EPHA7: variants seen among roughly 807,000 people sequenced by gnomAD.
EPHA7 encodes the protein EPH receptor A7, also known as ephrin type-A receptor 7.
A neutral mutation model predicts 112.6 loss-of-function variants in EPHA7; 25 were observed. The ratio of observed to expected loss-of-function variants is 0.22; its 90% confidence interval spans 0.16 to 0.31. The LOEUF is 0.31. Among genes scored for constraint, EPHA7 ranks in the 10% least tolerant of loss-of-function variants. EPHA7 has a pLI of 1.00. For synonymous variants in EPHA7, 437 were observed against 406.5 expected (o/e 1.07, Z -0.90); for missense variants, 962 against 1,212.6 (o/e 0.79, Z 3.07).
chr6:93,333,387 C>A (rs566934238), intron 5 of EPHA7, among the ~76,000 whole-genome samples: 1 of 151,902 alleles, frequency 6.6e-6, no homozygotes, highest in South Asian at 2.1e-4. Flanking sequence ...ATTTATATTC[C>A]TTTCATTATA....
chr6:93,332,424 T>C (rs1443199448), intron 5 of EPHA7, among the ~76,000 whole-genome samples: 1 of 151,838 alleles, frequency 6.6e-6, no homozygotes, highest in African/African-American at 2.4e-5. Context: ...ATGAGCTTTG[T>C]ATACTTGTAA....
At chr6:93,383,129 C>T (rs904828764) in intron 3 of EPHA7, among the ~76,000 whole-genome samples, 1 of 151,950 alleles carries the variant, frequency 6.6e-6, no homozygotes, top group Non-Finnish European at 1.5e-5. Context: ...CTCATGCTAC[C>T]CAATAATTAA....
intron 3 of EPHA7, among the ~76,000 whole-genome samples, chr6:93,361,665 A>T (rs1037544498): frequency 2.0e-5 from 3 of 152,084 alleles, no homozygotes; most frequent in African/African-American, 7.2e-5. Context: ...ACTAGTAAAA[A>T]GTCTTCAGAG....
chr6:93,326,506 C>A (rs1486441120), intron 5 of EPHA7, among the ~76,000 whole-genome samples: 2 of 151,444 alleles, frequency 1.3e-5, no homozygotes, highest in African/African-American at 4.8e-5. Context: ...AAAATTATCT[C>A]TATGTGAAGA....
At chr6:93,417,907 CG>C (rs143259484) in intron 1 of EPHA7, among the ~76,000 whole-genome samples, 1,713 of 151,944 alleles carry the variant, frequency 0.011, 18 homozygotes, top group African/African-American at 0.039. Flanking sequence ...AATTTGGCGC[CG>C]GGTTTGAGGG....
Position 93,258,359 on chromosome 6 carries a change from A to G in EPHA7, c.1925-75T>C. On this transcript the variant is annotated intron_variant, in intron 10 of 16. Coordinates refer to ENST00000369303, the MANE Select transcript of EPHA7 (RefSeq NM_004440.4). ...TTTCTTTTAAGAGTAAATGCGTTGA[A>G]TTATTTTTCTTTAACTTTTAGTAAA... 5 of 1,335,362 alleles carry G rather than the reference A, an allele frequency of 3.7e-6. No individual in the cohort carries two copies. The South Asian group carries it at 6.5e-5, about 17-fold the overall frequency. 82.7% of individuals were successfully genotyped at this position (1,335,362 alleles called of 1,614,324 possible). A position where few individuals can be genotyped will look rare whatever the true frequency, so the allele number is the denominator to read the frequency against.
intron 14 of EPHA7, among the ~76,000 whole-genome samples, chr6:93,248,849 A>C (rs1462054483): frequency 2.0e-5 from 3 of 151,998 alleles, no homozygotes; most frequent in Non-Finnish European, 4.4e-5. Context: ...ATTAGTCACC[A>C]CTTTCTGATG....
At chr6:93,290,279 A>G (rs1772293296) in intron 5 of EPHA7, among the ~76,000 whole-genome samples, 1 of 152,130 alleles carries the variant, frequency 6.6e-6, no homozygotes, top group East Asian at 1.9e-4. Context: ...CCATAATATG[A>G]TAACTACAGA....
intron 5 of EPHA7, among the ~76,000 whole-genome samples, chr6:93,291,767 CAAAAAA>C (rs66483422): frequency 1.7e-4 from 12 of 71,696 alleles, no homozygotes; most frequent in South Asian, 7.1e-4. Flanking sequence ...GACTCCGTCT[CAAAAAA>C]AAAAAAAAAA....
rs534918441 is a variant in EPHA7 at position 93,331,071 on chromosome 6, T to A, written c.1324+25646A>T. 2.0e-5 allele frequency among the ~76,000 whole-genome samples: 3 copies of A among 151,604 alleles called. No individual in the cohort carries two copies. The East Asian group carries it at 5.8e-4, about 29-fold the overall frequency. On this transcript the variant is annotated intron_variant, in intron 5 of 16. Transcript: ENST00000369303. The stretch of plus-strand genomic sequence containing the variant: ...ATATATGTCAAACATTTTGATAAAC[T>A]AATGGCTATTTGGAGAAAAGTATTG...
chr6:93,334,787 A>T (rs1434952892), intron 5 of EPHA7, among the ~76,000 whole-genome samples: 1 of 152,072 alleles, frequency 6.6e-6, no homozygotes, highest in East Asian at 1.9e-4. Flanking sequence ...ATGCAAATCC[A>T]TTTCATTCTC....
chr6:93,291,783 A>T (rs1772392609), intron 5 of EPHA7, among the ~76,000 whole-genome samples: 1 of 150,682 alleles, frequency 6.6e-6, no homozygotes, highest in African/African-American at 2.4e-5. Flanking sequence ...AAAAAAAAAA[A>T]AAAATACTTT....
intron 5 of EPHA7, among the ~76,000 whole-genome samples, chr6:93,320,684 A>C (rs1257832232): frequency 6.6e-6 from 1 of 151,996 alleles, no homozygotes; most frequent in Non-Finnish European, 1.5e-5. Context: ...ATAATAAAGA[A>C]ATTTATTGCA....
intron 5 of EPHA7, among the ~76,000 whole-genome samples, chr6:93,308,604 T>C (rs988899325): frequency 2.6e-5 from 4 of 152,136 alleles, no homozygotes; most frequent in African/African-American, 9.6e-5. Flanking sequence ...ATATTTGAAA[T>C]TTATTTGTTA....
intron 3 of EPHA7, among the ~76,000 whole-genome samples, chr6:93,362,082 C>T (rs1270485035): frequency 6.6e-6 from 1 of 151,914 alleles, no homozygotes; most frequent in African/African-American, 2.4e-5. Flanking sequence ...AGGATTGATT[C>T]TTTTGACTGT....
At chr6:93,377,914 A>G (rs2127967476) in intron 3 of EPHA7, among the ~76,000 whole-genome samples, 1 of 152,240 alleles carries the variant, frequency 6.6e-6, no homozygotes, top group East Asian at 1.9e-4. Flanking sequence ...TATGCTAAGA[A>G]CTAGACCCCT....
intron 5 of EPHA7, among the ~76,000 whole-genome samples, chr6:93,336,964 T>C (rs958713237): frequency 1.3e-5 from 2 of 151,432 alleles, no homozygotes; most frequent in African/African-American, 4.9e-5. Flanking sequence ...TCTATAGGGG[T>C]GGCAGTTTGA....
chr6:93,263,774 A>G, intron 9 of EPHA7, 86 bp downstream of exon 9: 2 of 1,016,956 alleles, frequency 2.0e-6, no homozygotes, highest in East Asian at 4.9e-5. Context: ...AGCATGATGC[A>G]TGAGGACTTT....
Position 93,364,428 on chromosome 6 carries a change from G to T in EPHA7, c.833-6017C>A, listed in dbSNP as rs1355995972. 2.0e-5 allele frequency among the ~76,000 whole-genome samples: 3 copies of T among 151,446 alleles called. No homozygotes were observed. The East Asian group carries it at 5.9e-4, about 30-fold the overall frequency. ...AACCCCAGCTACTCGGAAGGCTGAA[G>T]CAGGAGAATCACTTGAACCCGGGAG... On this transcript the variant is annotated intron_variant, in intron 3 of 16. Transcript: ENST00000369303.
Sources: allele counts gnomAD v4.1 joint callset (sites outside exome capture counted in the v4.1 genomes callset), GRCh38; gene constraint gnomAD v4.1.1; transcripts MANE v1.5; gene names NCBI Gene and HGNC (gene_info 2026-07-23, HGNC 2026-07-21).